The following LARGE1 variants were observed in gnomAD, a reference collection of about 807,000 sequenced individuals.
The protein encoded by LARGE1 is xylosyl- and glucuronyltransferase LARGE1.
In LARGE1, 43 loss-of-function variants were observed where a neutral mutation model predicts 87.6. That is an observed-to-expected ratio of 0.49 (90% CI 0.38 to 0.63). LARGE1 has a LOEUF of 0.63. Among genes scored for constraint, LARGE1 ranks in the 30% least tolerant of loss-of-function variants. The probability of loss-of-function intolerance (pLI) is 0.00; values close to 1 mark genes in which losing one functional copy is unlikely to be tolerated. For missense variants in LARGE1, 802 were observed against 1,000.2 expected, an observed-to-expected ratio of 0.80 and a Z score of 2.67; for synonymous variants, 434 against 394.6, an observed-to-expected ratio of 1.10 and a Z score of -1.18.
chr22:33,742,975 C>A (rs2083942935), intron 2 of LARGE1, among the ~76,000 whole-genome samples: 1 of 151,952 alleles, frequency 6.6e-6, no homozygotes, highest in African/African-American at 2.4e-5. Context: ...ATCATGGGGG[C>A]AGATTTCTCA....
Position 33,417,774 on chromosome 22 carries a change from C to T in LARGE1, c.892+14387G>A, listed in dbSNP as rs568955094. Among the ~76,000 whole-genome samples, 66 of 152,306 alleles carry T rather than the reference C, an allele frequency of 4.3e-4. No individual in the cohort carries two copies. In the South Asian group the frequency reaches 0.013, roughly 30 times the overall value. The stretch of plus-strand genomic sequence containing the variant: ...GTTCTATGTAGGACGGAGGTCCCCA[C>T]GCCCTTTCTCAATCAAATGGGAGCC... On this transcript the variant is annotated intron_variant, in intron 7 of 14. Transcript: ENST00000397394.
At chr22:33,814,484 T>A (rs1342681596) in intron 1 of LARGE1, among the ~76,000 whole-genome samples, 1 of 152,226 alleles carries the variant, frequency 6.6e-6, no homozygotes, top group Non-Finnish European at 1.5e-5. Flanking sequence ...ATGTGGTTAA[T>A]ATCTACAATC....
At chr22:33,869,871 T>C (rs2064222464) in intron 1 of LARGE1, among the ~76,000 whole-genome samples, 3 of 151,784 alleles carry the variant, frequency 2.0e-5, no homozygotes, top group African/African-American at 4.8e-5. Context: ...TCATCAGGAG[T>C]ATGGGGAAGT....
intron 7 of LARGE1, among the ~76,000 whole-genome samples, chr22:33,428,312 T>C (rs1569154904): frequency 2.3e-5 from 3 of 132,964 alleles, no homozygotes; most frequent in East Asian, 2.1e-4. Context: ...ACTAGGTTTG[T>C]TATGTCTTTT....
At chr22:33,863,051 C>T (rs1353111061) in intron 1 of LARGE1, among the ~76,000 whole-genome samples, 4 of 152,270 alleles carry the variant, frequency 2.6e-5, no homozygotes, top group Admixed American at 2.0e-4. Context: ...TTGCAGAAAG[C>T]GGTTTGCCTC....
intron 6 of LARGE1, among the ~76,000 whole-genome samples, chr22:33,550,966 T>C (rs2077507124): frequency 6.6e-6 from 1 of 152,152 alleles, no homozygotes; most frequent in Non-Finnish European, 1.5e-5. Context: ...AAATATCACA[T>C]GCTCTCATTT....
At chr22:33,342,315 A>G (rs16992182) in intron 9 of LARGE1, among the ~76,000 whole-genome samples, 7,696 of 152,272 alleles carry the variant, frequency 0.051, 384 homozygotes, top group African/African-American at 0.14. Context: ...CTAAGTGAAA[A>G]GAAGGGCTGG....
intron 7 of LARGE1, among the ~76,000 whole-genome samples, chr22:33,386,810 A>T (rs1332647948): frequency 1.3e-5 from 2 of 148,958 alleles, no homozygotes; most frequent in African/African-American, 4.9e-5. Context: ...CCAGTCAAAA[A>T]TATGAATGAA....
At chr22:33,109,682 A>G in the LARGE1 span, among the ~76,000 whole-genome samples, 1 of 152,170 alleles carries the variant, frequency 6.6e-6, no homozygotes, top group Admixed American at 6.5e-5. Flanking sequence ...GTGATCTCCA[A>G]TGTTGGAGGT....
the LARGE1 span, among the ~76,000 whole-genome samples, chr22:33,126,431 C>A: frequency 6.6e-6 from 1 of 152,120 alleles, no homozygotes; most frequent in Non-Finnish European, 1.5e-5. Flanking sequence ...TTTTATAAAC[C>A]TTTATATGTT....
intron 2 of LARGE1, among the ~76,000 whole-genome samples, chr22:33,680,353 G>A (rs1184805552): frequency 1.3e-5 from 2 of 151,910 alleles, no homozygotes; most frequent in African/African-American, 4.8e-5. Context: ...AGAGGCTTTT[G>A]ATGCACAAAT....
intron 4 of LARGE1, among the ~76,000 whole-genome samples, chr22:33,605,844 A>T (rs2079238620): frequency 6.6e-6 from 1 of 152,224 alleles, no homozygotes; most frequent in Admixed American, 6.5e-5. Context: ...GATAAGGACT[A>T]CAAAAGAACA....
At chr22:33,740,661 G>T (rs1344844221) in intron 2 of LARGE1, among the ~76,000 whole-genome samples, 2 of 152,084 alleles carry the variant, frequency 1.3e-5, no homozygotes, top group African/African-American at 4.8e-5. Context: ...ATAAATGGAG[G>T]CACCAAAAAA....
intron 5 of LARGE1, among the ~76,000 whole-genome samples, chr22:33,576,801 C>T (rs537741130): frequency 1.8e-4 from 27 of 152,240 alleles, no homozygotes; most frequent in African/African-American, 6.5e-4. Context: ...TAAATCATCC[C>T]TAGAGTGCTT....
At position 33,361,132 on chromosome 22, in the gene LARGE1, C is replaced by T. The variant is rs112683640; in HGVS notation, c.1131+20787G>A. 1.9e-4 allele frequency among the ~76,000 whole-genome samples: 29 copies of T among 149,136 alleles called. 2 individuals carry two copies. Among genetic ancestry groups the T allele is most frequent in the African/African-American group, 6.7e-4 (27 of 40,532 alleles). On this transcript the variant is annotated intron_variant, in intron 9 of 14. Transcript: ENST00000397394. The stretch of plus-strand genomic sequence containing the variant: ...GGAGGCTGAGGCAGAATTGCTTGAA[C>T]CTGAGAGGTGGGGGTTACAGTGAGC...
chr22:33,558,495 A>G (rs560210940), intron 6 of LARGE1, among the ~76,000 whole-genome samples: 1 of 152,304 alleles, frequency 6.6e-6, no homozygotes, highest in African/African-American at 2.4e-5. Flanking sequence ...AACCACTGTG[A>G]GCAGATATCA....
At chr22:33,715,639 A>C (rs2082886985) in intron 2 of LARGE1, among the ~76,000 whole-genome samples, 1 of 152,188 alleles carries the variant, frequency 6.6e-6, no homozygotes, top group African/African-American at 2.4e-5. Context: ...CCTAACCCCC[A>C]GAGCATCTGC....
chr22:33,147,351 T>A, the LARGE1 span, among the ~76,000 whole-genome samples: 1 of 152,126 alleles, frequency 6.6e-6, no homozygotes, highest in Non-Finnish European at 1.5e-5. Context: ...ATAGAACCAA[T>A]TTATACCACC....
chr22:33,841,355 A>C (rs1568976905), intron 1 of LARGE1, among the ~76,000 whole-genome samples: 1 of 152,180 alleles, frequency 6.6e-6, no homozygotes, highest in Admixed American at 6.5e-5. Flanking sequence ...ATAGTTCACA[A>C]TCTGTAAGGT....
Sources: allele counts gnomAD v4.1 joint callset (sites outside exome capture counted in the v4.1 genomes callset), GRCh38; gene constraint gnomAD v4.1.1; transcripts MANE v1.5; gene names NCBI Gene and HGNC (gene_info 2026-07-23, HGNC 2026-07-21).